The following GPHN variants were observed in gnomAD, a reference collection of about 807,000 sequenced individuals.
GPHN encodes the protein gephyrin.
A neutral mutation model predicts 95.5 loss-of-function variants in GPHN; 17 were observed. The observed-to-expected ratio is 0.18, with a 90% CI of 0.12 to 0.27. GPHN has a LOEUF of 0.27. GPHN is among the 10% of genes least tolerant of loss of function. The probability of loss-of-function intolerance (pLI) is 1.00; values close to 1 mark genes in which losing one functional copy is unlikely to be tolerated. For synonymous variants in GPHN, 320 were observed against 322.5 expected (o/e 0.99, Z 0.08); for missense variants, 660 against 978.1 (o/e 0.67, Z 4.34).
At chr14:67,064,548 G>A (rs2075966683) in intron 11 of GPHN, among the ~76,000 whole-genome samples, 1 of 152,176 alleles carries the variant, frequency 6.6e-6, no homozygotes, top group African/African-American at 2.4e-5. Flanking sequence ...ATTTGGCTGT[G>A]AATCCATCTG....
At chr14:67,700,727 A>C in the GPHN span, among the ~76,000 whole-genome samples, 1 of 141,950 alleles carries the variant, frequency 7.0e-6, no homozygotes, top group Non-Finnish European at 1.5e-5. Flanking sequence ...AAAAAAAAAA[A>C]AAAATTACAG....
chr14:67,156,438 T>C (rs1595417186), intron 18 of GPHN, among the ~76,000 whole-genome samples: 1 of 152,114 alleles, frequency 6.6e-6, no homozygotes, highest in East Asian at 1.9e-4. Context: ...GTCTGGGAAG[T>C]GATTTTTAAA....
chr14:67,629,623 C>T, the GPHN span, among the ~76,000 whole-genome samples: 1 of 152,074 alleles, frequency 6.6e-6, no homozygotes, highest in Non-Finnish European at 1.5e-5. Flanking sequence ...ATGGTAGTGT[C>T]CAATCAACTT....
intron 10 of GPHN, among the ~76,000 whole-genome samples, chr14:67,058,040 ACTGT>A (rs975014766): frequency 1.3e-5 from 2 of 152,236 alleles, no homozygotes; most frequent in Admixed American, 6.5e-5. Context: ...ACAAAAAAAA[ACTGT>A]CTGATCTGAG....
chr14:66,868,129 A>C (rs562898870), intron 4 of GPHN, among the ~76,000 whole-genome samples: 1 of 152,170 alleles, frequency 6.6e-6, no homozygotes, highest in African/African-American at 2.4e-5. Context: ...AATAGTAGTC[A>C]TTAGCTGGTA....
At chr14:67,659,983 T>C in the GPHN span, 7 of 1,523,650 alleles carry the variant, frequency 4.6e-6, no homozygotes, top group Non-Finnish European at 6.3e-6. Context: ...TTTGGAAATA[T>C]GCCTAGTTTG....
Position 66,991,870 on chromosome 14 carries a change from T to TA in GPHN, c.963+26562dup, listed in dbSNP as rs1555458890. Among the ~76,000 whole-genome samples, 949 of 110,080 alleles carry TA rather than the reference T, an allele frequency of 8.6e-3. 4 individuals are homozygous for TA. Among genetic ancestry groups the TA allele is most frequent in the Admixed American group, 0.015 (173 of 11,212 alleles). 72.2% of individuals were successfully genotyped at this position (110,080 alleles called of 152,430 possible). On this transcript the variant is annotated intron_variant, in intron 9 of 22. Transcript: ENST00000478722. ...CTGGGCAACAGAGTGAGACCCTGTC[T>TA]AAAAAAAAAAAAAAAAAGAAAAGAA...
intron 1 of GPHN, among the ~76,000 whole-genome samples, chr14:66,584,729 GGATGAAGCCCACTT>G (rs1298036438): frequency 6.6e-6 from 1 of 152,084 alleles, no homozygotes; most frequent in Non-Finnish European, 1.5e-5. Flanking sequence ...TGCATCCCCG[GGATGAAGCCCACTT>G]GATCATGGTG....
chr14:67,651,876 C>A, the GPHN span, among the ~76,000 whole-genome samples: 1 of 152,196 alleles, frequency 6.6e-6, no homozygotes, highest in Non-Finnish European at 1.5e-5. Context: ...CCCTTGTAAA[C>A]TTCTTCCCTC....
the GPHN span, among the ~76,000 whole-genome samples, chr14:67,431,391 CAAAAA>C: frequency 0.013 from 1,025 of 76,694 alleles, no homozygotes; most frequent in Non-Finnish European, 0.018. Flanking sequence ...GACTCTGTCT[CAAAAA>C]AAAAAAAAAA....
chr14:66,531,846 G>T (rs551764020), intron 1 of GPHN, among the ~76,000 whole-genome samples: 2 of 152,176 alleles, frequency 1.3e-5, no homozygotes, highest in African/African-American at 4.8e-5. Context: ...TGTATGACAG[G>T]GTTTTCAAAA....
the GPHN span, chr14:67,302,336 T>C: frequency 3.0e-5 from 36 of 1,211,750 alleles, no homozygotes; most frequent in Admixed American, 1.0e-4. Flanking sequence ...ATGGAAAAAA[T>C]AGAATTTAAA....
intron 2 of GPHN, among the ~76,000 whole-genome samples, chr14:66,737,779 G>C (rs1196054782): frequency 2.0e-5 from 3 of 152,126 alleles, no homozygotes; most frequent in Non-Finnish European, 4.4e-5. Flanking sequence ...AGCCAACCGT[G>C]TGCTTAAATA....
At chr14:67,481,983 G>A in the GPHN span, among the ~76,000 whole-genome samples, 3 of 152,218 alleles carry the variant, frequency 2.0e-5, no homozygotes, top group African/African-American at 7.2e-5. Context: ...TTGAATGCAG[G>A]AGGACAGAGT....
intron 21 of GPHN, among the ~76,000 whole-genome samples, chr14:67,172,060 T>C (rs951008613): frequency 1.3e-5 from 2 of 152,148 alleles, no homozygotes; most frequent in East Asian, 3.8e-4. Context: ...GTGCAACTAC[T>C]GCACTACACC....
At chr14:67,602,099 A>G in the GPHN span, among the ~76,000 whole-genome samples, 3 of 152,236 alleles carry the variant, frequency 2.0e-5, no homozygotes, top group African/African-American at 7.2e-5. Context: ...TGCTATAAAG[A>G]ACTACCTGAG....
chr14:67,456,196 G>GC, the GPHN span, among the ~76,000 whole-genome samples: 1 of 152,172 alleles, frequency 6.6e-6, no homozygotes, highest in African/African-American at 2.4e-5. Context: ...CATCCATCTG[G>GC]CCAACAAGTA....
chr14:66,799,424 C>A (rs999217752), intron 3 of GPHN, among the ~76,000 whole-genome samples: 1 of 151,914 alleles, frequency 6.6e-6, no homozygotes. Flanking sequence ...AAGTCTCCAG[C>A]TACTATTGTG....
At chr14:66,509,218 G>C (rs1365458356) in intron 1 of GPHN, 1 of 153,614 alleles carries the variant, frequency 6.5e-6, no homozygotes, top group Non-Finnish European at 1.4e-5. Context: ...ACCTCGGAAA[G>C]TGTCTGCCTT....
Sources: allele counts gnomAD v4.1 joint callset (sites outside exome capture counted in the v4.1 genomes callset), GRCh38; gene constraint gnomAD v4.1.1; transcripts MANE v1.5; gene names NCBI Gene and HGNC (gene_info 2026-07-23, HGNC 2026-07-21).